The following RIC1 variants were observed in gnomAD, a reference collection of about 807,000 sequenced individuals.
RIC1 encodes RIC1 partner of RAB6A GEF complex, also known as guanine nucleotide exchange factor subunit RIC1.
RIC1 carries 88 observed loss-of-function variants against 169.0 expected under a neutral mutation model. The ratio of observed to expected loss-of-function variants is 0.52; its 90% confidence interval spans 0.44 to 0.62. The LOEUF (loss-of-function observed/expected upper bound fraction) is 0.62. Ranked by LOEUF, RIC1 falls within the 20% of genes least tolerant of loss-of-function variation. RIC1 has a pLI of 0.00. For synonymous variants in RIC1, 790 were observed against 601.5 expected (o/e 1.31, Z -4.59); for missense variants, 1,877 against 1,725.5 (o/e 1.09, Z -1.56).
At chr9:5,755,212 A>T (rs948485421) in intron 15 of RIC1, among the ~76,000 whole-genome samples, 1 of 152,212 alleles carries the variant, frequency 6.6e-6, no homozygotes, top group Non-Finnish European at 1.5e-5. Context: ...AAAAAATTTC[A>T]TGATATAAGA....
chr9:5,685,501 A>C (rs919197182), intron 2 of RIC1, among the ~76,000 whole-genome samples: 1 of 149,356 alleles, frequency 6.7e-6, no homozygotes, highest in Non-Finnish European at 1.5e-5. Flanking sequence ...TCTTTGACAA[A>C]CCTGAGAAAA....
chr9:5,686,509 C>T (rs1455941839), intron 2 of RIC1, among the ~76,000 whole-genome samples: 1 of 151,784 alleles, frequency 6.6e-6, no homozygotes, highest in Admixed American at 6.6e-5. Context: ...TCATCATTCT[C>T]AGTAAACTAT....
intron 3 of RIC1, among the ~76,000 whole-genome samples, chr9:5,699,888 A>G (rs1386641614): frequency 6.6e-6 from 1 of 152,232 alleles, no homozygotes; most frequent in Non-Finnish European, 1.5e-5. Context: ...CAAATTGTCT[A>G]CAGAATTAGT....
At chr9:5,746,611 A>C (rs1406138845) in intron 11 of RIC1, among the ~76,000 whole-genome samples, 1 of 152,192 alleles carries the variant, frequency 6.6e-6, no homozygotes, top group African/African-American at 2.4e-5. Context: ...TTTAAGAAAT[A>C]GCTTAAAGAA....
chr9:5,654,604 G>T (rs1818981085), intron 1 of RIC1, among the ~76,000 whole-genome samples: 1 of 151,902 alleles, frequency 6.6e-6, no homozygotes, highest in South Asian at 2.1e-4. Flanking sequence ...CAGTAGCGCA[G>T]TCTCAGCTCA....
intron 3 of RIC1, among the ~76,000 whole-genome samples, chr9:5,704,439 TG>T (rs751190093): frequency 5.6e-4 from 86 of 152,236 alleles, no homozygotes; most frequent in Non-Finnish European, 9.7e-4. Context: ...CTCAAACTCC[TG>T]GGCTCAAGCA....
rs1466491736 is a variant in RIC1, at chr9:5,663,559, C to A, written c.252+6869C>A. The stretch of plus-strand genomic sequence containing the variant: ...TATTTGGCGCTTATTAAATTGAACC[C>A]TTTATGTAACGCCCTTTGCCTTTTT... On this transcript the variant is annotated intron_variant, in intron 2 of 25. Transcript: ENST00000414202. 2.6e-5 allele frequency among the ~76,000 whole-genome samples: 4 copies of A among 151,978 alleles called. No homozygotes were observed. The East Asian group carries it at 7.7e-4, about 29-fold the overall frequency.
intron 3 of RIC1, among the ~76,000 whole-genome samples, chr9:5,706,118 C>T (rs1822570445): frequency 6.6e-6 from 1 of 152,142 alleles, no homozygotes; most frequent in African/African-American, 2.4e-5. Flanking sequence ...CCTTTTCTTG[C>T]AGTGTCTTTG....
chr9:5,698,430 G>T (rs1481020060), intron 3 of RIC1, among the ~76,000 whole-genome samples: 1 of 152,160 alleles, frequency 6.6e-6, no homozygotes, highest in African/African-American at 2.4e-5. Flanking sequence ...CCCTTTAAGG[G>T]CCACTCATTA....
chr9:5,739,019 C>T (rs1157937993), intron 8 of RIC1, among the ~76,000 whole-genome samples: 1 of 152,174 alleles, frequency 6.6e-6, no homozygotes, highest in Non-Finnish European at 1.5e-5. Flanking sequence ...GAGGTTCCCA[C>T]TGTTAGATCT....
At chr9:5,672,643 T>G (rs958552043) in intron 2 of RIC1, among the ~76,000 whole-genome samples, 1 of 152,170 alleles carries the variant, frequency 6.6e-6, no homozygotes, top group Middle Eastern at 3.2e-3. Context: ...CAAGTATTAG[T>G]TTAGGAAATA....
chr9:5,653,873 G>A (rs1346328234), intron 1 of RIC1, among the ~76,000 whole-genome samples: 1 of 152,152 alleles, frequency 6.6e-6, no homozygotes, highest in African/African-American at 2.4e-5. Flanking sequence ...TGGGATTACA[G>A]GCATGCACAA....
rs184280267 is a variant in RIC1 at position 5,689,986 on chromosome 9, C to A, written c.280C>A (p.His94Asn). Residue 94 changes from histidine (H) to asparagine (N), a missense_variant, in exon 3 of 26, where the codon CAT (histidine) becomes AAT (asparagine). By Grantham distance (68) the His-to-Asn change is moderately conservative. This residue lies in a region of RIC1 where 1,104 missense variants were observed against 992.0 expected (regional missense o/e 1.11). Coordinates refer to ENST00000414202, the MANE Select transcript of RIC1 (RefSeq NM_020829.4). ...GGCAAATGGATACATCTTGTTTTTTCATATTACATCTACAAGAGGGGACAA... is the reference window on the plus strand; with the variant it reads ...GGCAAATGGATACATCTTGTTTTTTAATATTACATCTACAAGAGGGGACAA... ...STANGYILFF[H>N]ITSTRGDKYL... 724 of 1,600,396 alleles carry A rather than the reference C, an allele frequency of 4.5e-4. 6 individuals are homozygous for A. In the East Asian group the frequency reaches 9.6e-3, roughly 21 times the overall value.
chr9:5,704,361 C>T (rs1240768502), intron 3 of RIC1, among the ~76,000 whole-genome samples: 2 of 151,982 alleles, frequency 1.3e-5, no homozygotes, highest in African/African-American at 2.4e-5. Context: ...CAGGCATGCA[C>T]CACCACACCT....
At chr9:5,760,950 A>C (rs954084071) in intron 17 of RIC1, among the ~76,000 whole-genome samples, 14 of 151,630 alleles carry the variant, frequency 9.2e-5, no homozygotes, top group African/African-American at 3.4e-4. Flanking sequence ...CCTCCCTGAA[A>C]TTCTTTCCTT....
chr9:5,766,971 G>A (rs375300728), intron 21 of RIC1, among the ~76,000 whole-genome samples: 20 of 152,190 alleles, frequency 1.3e-4, no homozygotes, highest in African/African-American at 3.9e-4. Flanking sequence ...CAGTGTAGAA[G>A]TGTTCCCTGA....
chr9:5,745,882 A>G (rs914825398), intron 10 of RIC1, 49 bp from the exon 11 acceptor site: 1 of 1,529,042 alleles, frequency 6.5e-7, no homozygotes, highest in Non-Finnish European at 9.0e-7. Context: ...AAGGGATACA[A>G]AAGCCTTTTA....
Position 5,774,001 on chromosome 9 carries a change from C to T in RIC1, c.4027C>T (p.Gln1343Ter). 2 of 1,612,844 alleles carry T rather than the reference C, an allele frequency of 1.2e-6. No individual in the cohort carries two copies. The highest frequency in any genetic ancestry group is 1.7e-6 in the Non-Finnish European group (2 of 1,179,492). Residue 1343 changes from glutamine to a stop codon, truncating the protein, a stop_gained, in exon 26 of 26, where the codon CAG (glutamine) becomes TAG (stop). Transcript: ENST00000414202. LOFTEE classifies it high-confidence loss of function. ...PFLNIIKPQLQKLSEITEEQV... is the reference protein window; with the variant it reads ...PFLNIIKPQL The stretch of plus-strand genomic sequence containing the variant: ...TTTAAACATCATTAAGCCACAACTG[C>T]AGAAGCTCAGTGAGATAACAGAAGA...
At chr9:5,737,238 C>T (rs1471932198) in intron 7 of RIC1, among the ~76,000 whole-genome samples, 1 of 148,594 alleles carries the variant, frequency 6.7e-6, no homozygotes, top group Non-Finnish European at 1.5e-5. Context: ...GTGGCTTAGA[C>T]GTATTATAGA....
Sources: gnomAD v4.1 joint callset for allele counts (sites outside exome capture counted in the v4.1 genomes callset) on GRCh38, gnomAD v4.1.1 for gene constraint, gnomAD v4.1.1 regional missense constraint, MANE v1.5 for transcripts, NCBI Gene and HGNC (gene_info 2026-07-23, HGNC 2026-07-21) for gene names.